The following COL19A1 variants were observed in gnomAD, a reference collection of about 807,000 sequenced individuals.
COL19A1 encodes collagen alpha-1(XIX) chain.
A neutral mutation model predicts 190.2 loss-of-function variants in COL19A1; 159 were observed. The ratio of observed to expected loss-of-function variants is 0.84; its 90% CI spans 0.73 to 0.95. The LOEUF (loss-of-function observed/expected upper bound fraction) is 0.95. COL19A1 is among the 40% of genes least tolerant of loss of function. The probability of loss-of-function intolerance (pLI) is 0.00; values close to 1 mark genes in which losing one functional copy is unlikely to be tolerated. For missense variants in COL19A1, 1,418 were observed against 1,431.9 expected, an observed-to-expected ratio of 0.99 and a Z score of 0.16; for synonymous variants, 509 against 458.9, an observed-to-expected ratio of 1.11 and a Z score of -1.39.
chr6:70,199,532 T>G (rs1767413681), intron 48 of COL19A1, 76 bp from the exon 49 acceptor site: 1 of 1,109,002 alleles, frequency 9.0e-7, no homozygotes, highest in Non-Finnish European at 1.2e-6. Context: ...GTTTGTTTGA[T>G]TTCATGTATT....
chr6:70,109,520 C>A (rs1031210953), intron 16 of COL19A1, among the ~76,000 whole-genome samples: 1 of 149,304 alleles, frequency 6.7e-6, no homozygotes, highest in Non-Finnish European at 1.5e-5. Context: ...ATGAAATAAC[C>A]AGTTACATCT....
chr6:69,950,713 C>CACAT (rs1339580152), intron 9 of COL19A1, among the ~76,000 whole-genome samples: 1 of 148,510 alleles, frequency 6.7e-6, no homozygotes, highest in Non-Finnish European at 1.5e-5. Flanking sequence ...CACACACACA[C>CACAT]ACATGTTCAC....
intron 42 of COL19A1, among the ~76,000 whole-genome samples, chr6:70,176,818 C>T (rs747052454): frequency 1.8e-4 from 27 of 152,170 alleles, no homozygotes; most frequent in Non-Finnish European, 3.5e-4. Context: ...GGAGAGGAAA[C>T]ACAGTTACTA....
chr6:70,001,504 T>C lies in COL19A1; in HGVS notation c.1027-22123T>C, dbSNP rs1777262820. Among the ~76,000 whole-genome samples, 3 of 152,234 alleles carry C rather than the reference T, an allele frequency of 2.0e-5. No homozygotes were observed. The South Asian group carries it at 6.2e-4, about 31-fold the overall frequency. On this transcript the variant is annotated intron_variant, in intron 11 of 50. Transcript: ENST00000620364. Reference sequence around the variant, plus strand: ...TATTGATTCTTCCTATCCATAAGCATGGAATGTTTTTCCATTTGTTTGTGT... The same window carrying C: ...TATTGATTCTTCCTATCCATAAGCACGGAATGTTTTTCCATTTGTTTGTGT...
At chr6:70,034,602 T>A (rs546307546) in intron 13 of COL19A1, among the ~76,000 whole-genome samples, 102 of 152,306 alleles carry the variant, frequency 6.7e-4, no homozygotes, top group African/African-American at 2.4e-3. Context: ...TGGAAAACTT[T>A]GCCAATAACA....
At chr6:69,974,926 C>T (rs1415695248) in intron 11 of COL19A1, among the ~76,000 whole-genome samples, 1 of 150,854 alleles carries the variant, frequency 6.6e-6, no homozygotes, top group Non-Finnish European at 1.5e-5. Flanking sequence ...CATTTTCCTG[C>T]CTCAGCCTCC....
At chr6:69,881,358 T>C (rs1350258550) in intron 2 of COL19A1, among the ~76,000 whole-genome samples, 1 of 152,262 alleles carries the variant, frequency 6.6e-6, no homozygotes, top group Non-Finnish European at 1.5e-5. Context: ...TGTTTGCTTT[T>C]AGTAACTTTT....
chr6:70,171,875 G>C lies in COL19A1; in HGVS notation c.2569-89G>C, dbSNP rs1765521100. The C allele has an allele frequency of 2.5e-6, 3 of 1,223,440 alleles. No individual in the cohort carries two copies. The Admixed American group carries it at 5.3e-5, about 22-fold the overall frequency. The allele number at this position is 1,223,440 out of a possible 1,614,324, so 75.8% of individuals were successfully genotyped here. ...TACACATCAATGTTTGGGGTGGGAAGGTTAAGCAAAAAAATCTTTGCTTTG... is the reference window on the plus strand; with the variant it reads ...TACACATCAATGTTTGGGGTGGGAACGTTAAGCAAAAAAATCTTTGCTTTG... On this transcript the variant is annotated intron_variant, in intron 40 of 50. Coordinates refer to ENST00000620364, the MANE Select transcript of COL19A1 (RefSeq NM_001858.6).
chr6:69,917,844 A>T (rs1437539180), intron 4 of COL19A1, among the ~76,000 whole-genome samples: 1 of 152,172 alleles, frequency 6.6e-6, no homozygotes, highest in Non-Finnish European at 1.5e-5. Flanking sequence ...ATCACAAAAA[A>T]ATCTCATAAT....
At chr6:69,938,571 A>G (rs1430264338) in intron 9 of COL19A1, among the ~76,000 whole-genome samples, 1 of 152,088 alleles carries the variant, frequency 6.6e-6, no homozygotes, top group Non-Finnish European at 1.5e-5. Flanking sequence ...TAGAGCACAT[A>G]AAGACAAATA....
intron 11 of COL19A1, among the ~76,000 whole-genome samples, chr6:69,969,050 T>C (rs1241049951): frequency 6.6e-6 from 1 of 152,220 alleles, no homozygotes; most frequent in Non-Finnish European, 1.5e-5. Context: ...TTTATCATAG[T>C]TTCCTCTTTT....
intron 13 of COL19A1, among the ~76,000 whole-genome samples, 155 bp from the exon 14 acceptor site, chr6:70,035,749 A>G (rs987729166): frequency 1.3e-5 from 2 of 152,130 alleles, no homozygotes; most frequent in African/African-American, 4.8e-5. Context: ...GACATGATAT[A>G]TTTTCTTTAT....
In COL19A1 at chr6:69,972,070, G is replaced by A. The variant is rs180676875; in HGVS notation, c.1026+9200G>A. On this transcript the variant is annotated intron_variant, in intron 11 of 50. Transcript: ENST00000620364. ...TTTCTGCTTCTATTCCAGCCACACT[G>A]ACCTTCTTTCAGTTACTTGAATGTG... Among the ~76,000 whole-genome samples, 3 of 152,230 alleles carry A rather than the reference G, an allele frequency of 2.0e-5. No homozygotes were observed. In the East Asian group the frequency reaches 5.8e-4, roughly 29 times the overall value.
At chr6:70,075,772 T>C (rs958221542) in intron 15 of COL19A1, among the ~76,000 whole-genome samples, 2 of 150,816 alleles carry the variant, frequency 1.3e-5, no homozygotes, top group African/African-American at 4.9e-5. Context: ...GGAAAGGCTG[T>C]CAATGAGAAA....
intron 2 of COL19A1, among the ~76,000 whole-genome samples, chr6:69,892,774 G>A (rs897631731): frequency 2.0e-5 from 3 of 152,158 alleles, no homozygotes; most frequent in Non-Finnish European, 2.9e-5. Context: ...ACAAGGGTAT[G>A]AGGCAACTGG....
chr6:70,027,557 CTGTGTGTG>C (rs10585617), intron 12 of COL19A1, among the ~76,000 whole-genome samples: 2 of 150,248 alleles, frequency 1.3e-5, no homozygotes, highest in African/African-American at 4.9e-5. Context: ...TGTATCTTAA[CTGTGTGTG>C]TGTGTGTGTG....
intron 15 of COL19A1, among the ~76,000 whole-genome samples, chr6:70,090,933 T>A (rs1326490225): frequency 2.0e-5 from 3 of 152,168 alleles, no homozygotes; most frequent in Non-Finnish European, 4.4e-5. Flanking sequence ...CTGGACAGCT[T>A]TCCCTGGATG....
chr6:70,192,048 T>TTTG (rs138901281), intron 48 of COL19A1, among the ~76,000 whole-genome samples: 1 of 151,786 alleles, frequency 6.6e-6, no homozygotes, highest in East Asian at 1.9e-4. Flanking sequence ...AATGGGGTTT[T>TTTG]TTGTTGTTGT....
At chr6:70,201,543 T>G (rs971959785) in intron 49 of COL19A1, among the ~76,000 whole-genome samples, 1 of 152,216 alleles carries the variant, frequency 6.6e-6, no homozygotes, top group African/African-American at 2.4e-5. Flanking sequence ...TGATTTCCAG[T>G]TTTTTTGTGA....
Sources: allele counts gnomAD v4.1 joint callset (sites outside exome capture counted in the v4.1 genomes callset), GRCh38; gene constraint gnomAD v4.1.1; transcripts MANE v1.5; gene names NCBI Gene and HGNC (gene_info 2026-07-23, HGNC 2026-07-21).